The following VWA3B variants were observed in gnomAD, a reference collection of about 807,000 sequenced individuals.
VWA3B encodes the protein von Willebrand factor A domain containing 3B, also known as von Willebrand factor A domain-containing protein 3B.
Under a neutral mutation model 158.3 loss-of-function variants are expected in VWA3B, and 138 were observed. That is an observed-to-expected ratio of 0.87 (90% CI 0.76 to 1.00). The LOEUF (loss-of-function observed/expected upper bound fraction) is 1.00, where lower values mean the gene tolerates loss of function less well. Ranked by LOEUF, VWA3B falls within the 50% of genes least tolerant of loss-of-function variation. VWA3B has a pLI of 0.00. For synonymous variants in VWA3B, 596 were observed against 587.3 expected (o/e 1.01, Z -0.21); for missense variants, 1,555 against 1,565.1 (o/e 0.99, Z 0.11).
At chr2:98,209,559 C>G (rs901343453) in intron 12 of VWA3B, among the ~76,000 whole-genome samples, 3 of 152,134 alleles carry the variant, frequency 2.0e-5, no homozygotes, top group African/African-American at 7.2e-5. Context: ...GGATTACAGG[C>G]GTGAGCCACC....
In VWA3B at chr2:98,125,732, C is replaced by T. The variant is rs375834395; in HGVS notation, c.703-2507C>T. On this transcript the variant is annotated intron_variant, in intron 5 of 27. Transcript: ENST00000477737. The surrounding 1 kb of genome is among the most constrained non-coding windows in gnomAD (Gnocchi z 4.1). Reference sequence around the variant, plus strand: ...CAGGCTGGAGTGCAGTGGCACGATTCGGCTCACTGCAAGCTCCGCCTCCCA... The same window carrying T: ...CAGGCTGGAGTGCAGTGGCACGATTTGGCTCACTGCAAGCTCCGCCTCCCA... Among the ~76,000 whole-genome samples, 16 of 152,158 alleles carry T rather than the reference C, an allele frequency of 1.1e-4. No individual in the cohort carries two copies. Among genetic ancestry groups the T allele is most frequent in the African/African-American group, 3.6e-4 (15 of 41,518 alleles).
chr2:98,165,784 A>G (rs914377875), intron 8 of VWA3B, among the ~76,000 whole-genome samples: 6 of 152,038 alleles, frequency 3.9e-5, no homozygotes, highest in Admixed American at 1.3e-4. Flanking sequence ...GGGACCTAAT[A>G]GGCTTGTCTG....
intron 21 of VWA3B, among the ~76,000 whole-genome samples, chr2:98,270,061 A>G (rs1688102584): frequency 6.6e-6 from 1 of 151,724 alleles, no homozygotes; most frequent in African/African-American, 2.4e-5. Flanking sequence ...AGAATCCAGG[A>G]CCTGGGCCAT....
At chr2:98,152,170 A>G (rs756811580) in intron 7 of VWA3B, among the ~76,000 whole-genome samples, 17 of 152,236 alleles carry the variant, frequency 1.1e-4, no homozygotes, top group Non-Finnish European at 2.4e-4. Flanking sequence ...CACAACTAGA[A>G]TCTGACTCAG....
At chr2:98,152,227 A>G (rs752177243) in intron 7 of VWA3B, among the ~76,000 whole-genome samples, 9 of 152,258 alleles carry the variant, frequency 5.9e-5, no homozygotes, top group Non-Finnish European at 1.2e-4. Context: ...TGTGAATTTC[A>G]CCTACTTCTC....
intron 22 of VWA3B, among the ~76,000 whole-genome samples, chr2:98,287,737 T>A (rs1689247304): frequency 6.6e-6 from 1 of 152,162 alleles, no homozygotes; most frequent in Non-Finnish European, 1.5e-5. Flanking sequence ...TTCCTGGGGG[T>A]GACATTGTTC....
intron 14 of VWA3B, among the ~76,000 whole-genome samples, chr2:98,220,182 A>T (rs1336830770): frequency 6.6e-6 from 1 of 151,420 alleles, no homozygotes; most frequent in Admixed American, 6.6e-5. Context: ...AAAAAAAAAA[A>T]AAAAAGATAC....
chr2:98,121,242 T>A (rs1488115576), intron 4 of VWA3B, 57 bp from the exon 5 acceptor site: 2 of 1,567,302 alleles, frequency 1.3e-6, no homozygotes, highest in Non-Finnish European at 1.7e-6. Flanking sequence ...GACGGAGGTT[T>A]GGCATCCCAG....
the VWA3B span, among the ~76,000 whole-genome samples, chr2:98,322,309 G>A: frequency 5.9e-5 from 9 of 152,184 alleles, no homozygotes; most frequent in Non-Finnish European, 1.0e-4. Flanking sequence ...TGGCCTGAGG[G>A]CACTCCCCAA....
chr2:98,226,140 GAAAAAT>G (rs1433069608), intron 14 of VWA3B, among the ~76,000 whole-genome samples: 3 of 152,060 alleles, frequency 2.0e-5, no homozygotes, highest in Non-Finnish European at 4.4e-5. Flanking sequence ...TCTTGAAAAA[GAAAAAT>G]AAAATGGGAA....
At chr2:98,221,124 TTAAAG>T (rs1316432678) in intron 14 of VWA3B, among the ~76,000 whole-genome samples, 1 of 150,750 alleles carries the variant, frequency 6.6e-6, no homozygotes, top group Non-Finnish European at 1.5e-5. Context: ...ATCCTGGAAC[TTAAAG>T]TAAAAAAAAA....
intron 14 of VWA3B, among the ~76,000 whole-genome samples, chr2:98,227,618 T>C (rs1463291414): frequency 6.6e-6 from 1 of 152,204 alleles, no homozygotes; most frequent in East Asian, 1.9e-4. Flanking sequence ...AAAATAATTA[T>C]ATAAATGAAG....
intron 7 of VWA3B, among the ~76,000 whole-genome samples, chr2:98,156,025 C>T (rs1414561931): frequency 6.6e-6 from 1 of 152,174 alleles, no homozygotes; most frequent in Non-Finnish European, 1.5e-5. Flanking sequence ...TGGGGTTCCA[C>T]CCTCAGAATG....
intron 7 of VWA3B, among the ~76,000 whole-genome samples, chr2:98,157,023 C>A (rs1284053223): frequency 2.6e-5 from 4 of 152,092 alleles, no homozygotes; most frequent in Admixed American, 6.5e-5. Flanking sequence ...AATTAGACTG[C>A]ATTACATTTG....
At chr2:98,131,764 C>T (rs898082013) in intron 6 of VWA3B, among the ~76,000 whole-genome samples, 3 of 152,106 alleles carry the variant, frequency 2.0e-5, no homozygotes, top group Non-Finnish European at 2.9e-5. Context: ...AGAGAGAGCC[C>T]GGGAATATGA....
At chr2:98,268,774 T>TA (rs1688022821) in intron 21 of VWA3B, among the ~76,000 whole-genome samples, 1 of 151,872 alleles carries the variant, frequency 6.6e-6, no homozygotes, top group South Asian at 2.1e-4. Flanking sequence ...CATGTGAACA[T>TA]ATGAGACTCT....
At chr2:98,280,733 G>GA (rs901214041) in intron 22 of VWA3B, among the ~76,000 whole-genome samples, 1 of 152,160 alleles carries the variant, frequency 6.6e-6, no homozygotes, top group Non-Finnish European at 1.5e-5. Flanking sequence ...GGAGGCGGGG[G>GA]AAAACCTCAC....
At position 98,133,937 on chromosome 2, in the gene VWA3B, C is replaced by T; in HGVS notation, c.986C>T (p.Pro329Leu). ...NSRKLKGKLP[P>L]GAGVREDVFL... ...AGGAAACTGAAAGGAAAACTCCCTC[C>T]AGGTACCTGGAATCCAAAAGAAGTG... The change falls in exon 7 of 28, where the codon CCA becomes CTA. Residue 329 changes from proline to leucine, a missense_variant and splice_region_variant. Pro to Leu is a moderately conservative substitution (Grantham distance 98). Transcript: ENST00000477737. The T allele has an allele frequency of 6.2e-7, 1 of 1,613,890 alleles. No homozygotes were observed. The highest frequency in any genetic ancestry group is 8.5e-7 in the Non-Finnish European group (1 of 1,179,774).
At chr2:98,106,079 C>G in intron 2 of VWA3B, among the ~76,000 whole-genome samples, 1 of 152,034 alleles carries the variant, frequency 6.6e-6, no homozygotes, top group Non-Finnish European at 1.5e-5. Flanking sequence ...CCATGCCCGG[C>G]TAATTTTTTG....
Sources: allele counts gnomAD v4.1 joint callset (sites outside exome capture counted in the v4.1 genomes callset), GRCh38; gene constraint gnomAD v4.1.1; non-coding constraint Gnocchi (gnomAD v3.1); transcripts MANE v1.5; gene names NCBI Gene and HGNC (gene_info 2026-07-23, HGNC 2026-07-21).